CEP152: variants seen among roughly 807,000 people sequenced by gnomAD.
CEP152 encodes the protein centrosomal protein 152.
In CEP152, 132 loss-of-function variants were observed where a neutral mutation model predicts 188.9. That is an observed-to-expected ratio of 0.70 (90% CI 0.61 to 0.81). The LOEUF (loss-of-function observed/expected upper bound fraction) is 0.81, where lower values mean the gene tolerates loss of function less well. CEP152 is among the 30% of genes least tolerant of loss of function. The pLI is 0.00. For missense variants in CEP152, 1,914 were observed against 1,969.8 expected, an observed-to-expected ratio of 0.97 and a Z score of 0.54; for synonymous variants, 649 against 666.6, an observed-to-expected ratio of 0.97 and a Z score of 0.41.
Position 48,759,752 on chromosome 15 carries a change from A to G in CEP152, c.2694+383T>C, listed in dbSNP as rs139403275. Among the ~76,000 whole-genome samples, 949 of 152,316 alleles carry G rather than the reference A, an allele frequency of 6.2e-3. 10 individuals carry two copies. The highest frequency in any genetic ancestry group is 0.022 in the African/African-American group (914 of 41,576). ...GTCAAGAAACATGACATTTCTGGAA[A>G]GGAGAACTGGCTATTTACCAAGAAG... On this transcript the variant is annotated intron_variant, in intron 19 of 26. Transcript: ENST00000380950.
In CEP152 at chr15:48,797,927, A is replaced by C. The variant is rs115947264; in HGVS notation, c.191+21T>G. ...CTTATAGAATTGCAATATACAAGTG[A>C]AAGTGACTTCAGGTGCTTACTGTCC... On this transcript the variant is annotated intron_variant, in intron 3 of 26. Coordinates refer to ENST00000380950, the MANE Select transcript of CEP152 (RefSeq NM_001194998.2). 4.9e-4 allele frequency: 779 copies of C among 1,595,822 alleles called. 4 individuals carry two copies. In the African/African-American group the frequency reaches 9.4e-3, roughly 19 times the overall value.
chr15:48,765,531 C>A (rs1894998484), intron 17 of CEP152: 1 of 391,770 alleles, frequency 2.6e-6, no homozygotes. Context: ...TGTAACTGAC[C>A]CATTATATGA....
chr15:48,792,604 G>C (rs922628650), intron 7 of CEP152, among the ~76,000 whole-genome samples: 28 of 152,154 alleles, frequency 1.8e-4, no homozygotes, highest in African/African-American at 6.8e-4. Context: ...AAACGTTTAT[G>C]CTAATTTGTA....
chr15:48,775,550 A>G (rs1895836074), intron 12 of CEP152, among the ~76,000 whole-genome samples: 1 of 152,122 alleles, frequency 6.6e-6, no homozygotes, highest in Admixed American at 6.5e-5. Flanking sequence ...ATTGTATAAT[A>G]AACAAATATA....
In CEP152 at chr15:48,800,621, C is replaced by T. The variant is rs1407985233; in HGVS notation, c.88-2570G>A. 2.0e-5 allele frequency among the ~76,000 whole-genome samples: 3 copies of T among 152,152 alleles called. No homozygotes were observed. In the East Asian group the frequency reaches 5.8e-4, roughly 29 times the overall value. On this transcript the variant is annotated intron_variant, in intron 2 of 26. Transcript: ENST00000380950. ...CAGATTCAAGAACAGAAATAACAAT[C>T]CTTATAAGTGATAAGATTTAATACC...
chr15:48,778,725 G>C (rs1345559695), intron 12 of CEP152, among the ~76,000 whole-genome samples: 1 of 152,158 alleles, frequency 6.6e-6, no homozygotes, highest in Non-Finnish European at 1.5e-5. Context: ...CGAGGTGGGA[G>C]GATCACCTGA....
chr15:48,801,234 A>G (rs1897648697), intron 2 of CEP152, among the ~76,000 whole-genome samples: 1 of 152,228 alleles, frequency 6.6e-6, no homozygotes, highest in Non-Finnish European at 1.5e-5. Context: ...CTAAATGTAA[A>G]CAAATACTAG....
chr15:48,765,524 A>C, intron 17 of CEP152: 1 of 392,306 alleles, frequency 2.5e-6, no homozygotes, highest in Non-Finnish European at 4.9e-6. Flanking sequence ...TACTAATTGT[A>C]ACTGACCCAT....
At chr15:48,796,329 T>C (rs946292223) in intron 5 of CEP152, among the ~76,000 whole-genome samples, 169 bp from the exon 6 acceptor site, 10 of 151,554 alleles carry the variant, frequency 6.6e-5, no homozygotes, top group African/African-American at 2.2e-4. Context: ...CACACATATA[T>C]ATATCTGCTC....
Position 48,778,715 on chromosome 15 carries a change from C to T in CEP152, c.1577+2481G>A, listed in dbSNP as rs147873031. On this transcript the variant is annotated intron_variant, in intron 12 of 26. Transcript: ENST00000380950. ...CTGTAATCCCAGCACTTTGGGAGGC[C>T]GAGGTGGGAGGATCACCTGAAGTCG... Among the ~76,000 whole-genome samples, 532 of 152,124 alleles carry T rather than the reference C, an allele frequency of 3.5e-3. 10 individuals are homozygous for T. Among genetic ancestry groups the T allele is most frequent in the Admixed American group, 0.027 (414 of 15,286 alleles).
chr15:48,768,270 A>G lies in CEP152; in HGVS notation c.1967T>C (p.Met656Thr), dbSNP rs2140760671. 6.2e-7 allele frequency: 1 copy of G among 1,612,632 alleles called. No homozygotes were observed. Among genetic ancestry groups the G allele is most frequent in the Middle Eastern group, 1.7e-4 (1 of 6,058 alleles). The change falls in exon 15 of 27, where the codon ATG (methionine) becomes ACG (threonine). Residue 656 changes from methionine (M) to threonine (T), a missense_variant. Met to Thr is a moderately conservative substitution (Grantham distance 81, BLOSUM62 -1). Transcript: ENST00000380950. ...GTCAAAATCTTGTACCATTTGTCTC[A>G]TTTGATTACATAAGTCTTGATTTGT... ...RNTNQDLCNQ[M>T]RQMVQDFDHD...
At chr15:48,798,826 AGAT>A (rs1367915534) in intron 2 of CEP152, among the ~76,000 whole-genome samples, 1 of 152,242 alleles carries the variant, frequency 6.6e-6, no homozygotes, top group Non-Finnish European at 1.5e-5. Flanking sequence ...TGTGATAAAA[AGAT>A]GAGTAAATAA....
At chr15:48,753,047 G>C (rs533532967) in intron 20 of CEP152, among the ~76,000 whole-genome samples, 65 of 152,282 alleles carry the variant, frequency 4.3e-4, no homozygotes, top group Middle Eastern at 3.4e-3. Flanking sequence ...TAAACATCTT[G>C]CACAAGACCA....
At chr15:48,786,409 T>C (rs900058826) in intron 9 of CEP152, among the ~76,000 whole-genome samples, 3 of 152,014 alleles carry the variant, frequency 2.0e-5, no homozygotes, top group African/African-American at 7.2e-5. Flanking sequence ...TATTATAATA[T>C]GTTGTGAGTG....
rs765703581 is a variant in CEP152, at chr15:48,741,987, T to G, written c.3949A>C (p.Ile1317Leu). Reference sequence around the variant, plus strand: ...TCCTGCAAAATCTGTTGGAGGCAAATCAAATAATATTTGCGCATCTTTCGG... The same window carrying G: ...TCCTGCAAAATCTGTTGGAGGCAAAGCAAATAATATTTGCGCATCTTTCGG... ...TARKMRKYYL[I>L]CLQQILQDDG... Residue 1317 changes from isoleucine (I) to leucine (L), a missense_variant, in exon 25 of 27, where the codon ATT becomes CTT. Coordinates refer to ENST00000380950, the MANE Select transcript of CEP152 (RefSeq NM_001194998.2). 28 of 1,614,188 alleles carry G rather than the reference T, an allele frequency of 1.7e-5. No homozygotes were observed. The highest frequency in any genetic ancestry group is 5.0e-5 in the Admixed American group (3 of 60,032).
chr15:48,745,806 A>G (rs997652190), intron 22 of CEP152, among the ~76,000 whole-genome samples: 1 of 152,228 alleles, frequency 6.6e-6, no homozygotes, highest in African/African-American at 2.4e-5. Flanking sequence ...TTTGCTGCTT[A>G]CAAGGTTGAT....
intron 13 of CEP152, among the ~76,000 whole-genome samples, chr15:48,772,051 C>T (rs530226271): frequency 3.2e-4 from 48 of 152,308 alleles, no homozygotes; most frequent in African/African-American, 1.1e-3. Context: ...ATGGCATTTC[C>T]TTCTTTAAAC....
At chr15:48,748,884 C>T (rs1893674374) in intron 21 of CEP152, among the ~76,000 whole-genome samples, 1 of 152,062 alleles carries the variant, frequency 6.6e-6, no homozygotes, top group South Asian at 2.1e-4. Flanking sequence ...ACCTATTGCT[C>T]TGGATCTTGG....
intron 14 of CEP152, 54 bp downstream of exon 14, chr15:48,768,902 T>A: frequency 7.7e-7 from 1 of 1,293,176 alleles, no homozygotes; most frequent in Non-Finnish European, 1.1e-6. Context: ...ATATCCTTTG[T>A]ATTTAATGAG....
Sources: allele counts gnomAD v4.1 joint callset (sites outside exome capture counted in the v4.1 genomes callset), GRCh38; gene constraint gnomAD v4.1.1; transcripts MANE v1.5; gene names NCBI Gene and HGNC (gene_info 2026-07-23, HGNC 2026-07-21).